SNAP47: variants seen among roughly 807,000 people sequenced by gnomAD.
SNAP47 encodes the protein synaptosomal-associated protein 47.
A neutral mutation model predicts 31.4 loss-of-function variants in SNAP47; 20 were observed. The ratio of observed to expected loss-of-function variants is 0.64; its 90% CI spans 0.45 to 0.93. The LOEUF is 0.93. Among genes scored for constraint, SNAP47 ranks in the 40% least tolerant of loss-of-function variants. SNAP47 has a pLI of 0.00. For synonymous variants in SNAP47, 194 were observed against 213.4 expected (o/e 0.91, Z 0.79); for missense variants, 492 against 528.5 (o/e 0.93, Z 0.68).
chr1:227,743,535 G>A (rs1481404308), intron 1 of SNAP47, among the ~76,000 whole-genome samples: 1 of 152,214 alleles, frequency 6.6e-6, no homozygotes, highest in Non-Finnish European at 1.5e-5. Flanking sequence ...TTGCGTGTTC[G>A]AGACTACAGA....
In SNAP47 at chr1:227,759,455, G is replaced by A. The variant is rs183802543; in HGVS notation, c.958G>A (p.Ala320Thr). The change falls in exon 3 of 5, where the codon GCA (alanine) becomes ACA (threonine). Residue 320 changes from alanine (A) to threonine (T), a missense_variant. By Grantham distance (58) the Ala-to-Thr change is moderately conservative. Coordinates refer to ENST00000617596, the MANE Select transcript of SNAP47 (RefSeq NM_053052.4). ...VLRSARTSSPAEKSCSVWHAA... is the reference protein window; with the variant it reads ...VLRSARTSSPTEKSCSVWHAA... Reference sequence around the variant, plus strand: ...CAGAAGCGCAAGAACCTCTTCCCCCGCAGAGAAGAGCTGCTCAGTCTGGCA... The same window carrying A: ...CAGAAGCGCAAGAACCTCTTCCCCCACAGAGAAGAGCTGCTCAGTCTGGCA... 40 of 1,614,102 alleles carry A rather than the reference G, an allele frequency of 2.5e-5. No individual in the cohort carries two copies. The highest frequency in any genetic ancestry group is 4.5e-5 in the East Asian group (2 of 44,884).
intron 3 of SNAP47, among the ~76,000 whole-genome samples, chr1:227,764,634 G>A (rs535591297): frequency 3.9e-5 from 6 of 152,156 alleles, no homozygotes; most frequent in East Asian, 1.9e-4. Context: ...AGCCAGGCGC[G>A]GTGGCTCACA....
chr1:227,753,070 A>G (rs1285887208), intron 2 of SNAP47, among the ~76,000 whole-genome samples: 1 of 152,192 alleles, frequency 6.6e-6, no homozygotes, highest in Non-Finnish European at 1.5e-5. Flanking sequence ...GACTCAAGCA[A>G]AGCAATAATT....
chr1:227,776,650 G>T (rs1664178149), intron 4 of SNAP47: 9 of 985,462 alleles, frequency 9.1e-6, no homozygotes, highest in Non-Finnish European at 1.1e-5. Context: ...TGCACACGAT[G>T]CCATGTAATT....
At chr1:227,733,946 T>C, upstream of SNAP47, 1 of 1,613,862 alleles carries the variant, frequency 6.2e-7, no homozygotes, top group South Asian at 1.1e-5. Flanking sequence ...GCGGTAGTCA[T>C]CCACATCCAG....
intron 1 of SNAP47, among the ~76,000 whole-genome samples, chr1:227,743,192 C>T (rs1661731884): frequency 1.3e-5 from 2 of 152,154 alleles, no homozygotes; most frequent in South Asian, 4.1e-4. Context: ...CTGGCCTCCT[C>T]CTGGTGGTGA....
At chr1:227,729,467 C>T (rs1170634054) in intron 1 of SNAP47, among the ~76,000 whole-genome samples, 1 of 152,148 alleles carries the variant, frequency 6.6e-6, no homozygotes, top group South Asian at 2.1e-4. Context: ...CAAAACCACC[C>T]ACAGTGGTGG....
chr1:227,776,048 C>T lies in SNAP47; in HGVS notation c.1114-4479C>T, dbSNP rs573361592. ...GGCCATAAGCTGGCAGTGTCAGCCA[C>T]GCATCAGTTGCGTTTCTTTGTTCAG... On this transcript the variant is annotated intron_variant, in intron 4 of 4. Transcript: ENST00000617596. 70 of 1,195,328 alleles carry T rather than the reference C, an allele frequency of 5.9e-5. No individual in the cohort carries two copies. In the African/African-American group the frequency reaches 8.9e-4, roughly 15 times the overall value. The allele number at this position is 1,195,328 out of a possible 1,614,324, so 74.0% of individuals were successfully genotyped here.
At chr1:227,771,691 G>A (rs908590804) in intron 4 of SNAP47, among the ~76,000 whole-genome samples, 7 of 113,958 alleles carry the variant, frequency 6.1e-5, no homozygotes, top group African/African-American at 2.1e-4. Context: ...CTGCTTTTGC[G>A]GGTGAGCCAC....
chr1:227,754,098 A>T (rs1035079320), intron 2 of SNAP47, among the ~76,000 whole-genome samples: 2 of 152,216 alleles, frequency 1.3e-5, no homozygotes, highest in South Asian at 4.1e-4. Flanking sequence ...ATTGAGTGGA[A>T]GTAGCTCTCA....
chr1:227,760,026 G>A (rs1258022898), intron 3 of SNAP47, among the ~76,000 whole-genome samples: 1 of 152,220 alleles, frequency 6.6e-6, no homozygotes, highest in East Asian at 1.9e-4. Flanking sequence ...GAGAGCCCTT[G>A]GTGGAAGCCA....
chr1:227,732,976 T>C (rs1660770131), upstream of SNAP47: 1 of 1,613,432 alleles, frequency 6.2e-7, no homozygotes, highest in Non-Finnish European at 8.5e-7. Context: ...CGCCACATGT[T>C]GGCCAGGTTG....
intron 4 of SNAP47, among the ~76,000 whole-genome samples, chr1:227,772,244 AT>A (rs1663863127): frequency 2.0e-5 from 3 of 152,224 alleles, no homozygotes; most frequent in East Asian, 1.9e-4. Context: ...CATTTTAACC[AT>A]TTTTAAGTGT....
chr1:227,766,965 G>T lies in SNAP47; in HGVS notation c.995G>T (p.Gly332Val), dbSNP rs370860074. ...KSCSVWHAAS[G>V]LMGRTLHREP... ...CCATCTGCTCTCCTTGCAGCATCTG[G>T]GCTGATGGGCCGTACCCTGCACCGT... The change falls in exon 4 of 5, where the codon GGG (glycine) becomes GTG (valine). Residue 332 changes from glycine to valine, a missense_variant. Transcript: ENST00000617596. 3.1e-6 allele frequency: 5 copies of T among 1,613,656 alleles called. No individual in the cohort carries two copies. Among genetic ancestry groups the T allele is most frequent in the Non-Finnish European group, 4.2e-6 (5 of 1,180,024 alleles).
At position 227,748,094 on chromosome 1, in the gene SNAP47, G is replaced by A. The variant is rs1209967041; in HGVS notation, c.358G>A (p.Glu120Lys). The A allele has an allele frequency of 1.3e-5, 21 of 1,613,996 alleles. No individual in the cohort carries two copies. The highest frequency in any genetic ancestry group is 6.7e-5 in the East Asian group (3 of 44,868). Reference sequence around the variant, plus strand: ...CGCATCTGTCCCAAGGACCCGGGGCGAGGAGCTGACGGGACTCATGGCTGG... The same window carrying A: ...CGCATCTGTCCCAAGGACCCGGGGCAAGGAGCTGACGGGACTCATGGCTGG... ...ADASVPRTRG[E>K]ELTGLMAGSQ... Residue 120 changes from glutamate (E) to lysine (K), a missense_variant, in exon 2 of 5, where the codon GAG (glutamate) becomes AAG (lysine). Coordinates refer to ENST00000617596, the MANE Select transcript of SNAP47 (RefSeq NM_053052.4).
intron 1 of SNAP47, among the ~76,000 whole-genome samples, chr1:227,737,328 T>G (rs1571979443): frequency 6.6e-6 from 1 of 151,302 alleles, no homozygotes; most frequent in Non-Finnish European, 1.5e-5. Context: ...GACAGGGAGG[T>G]GGAAGGAGGA....
rs1334640763 is a variant in SNAP47 at position 227,763,751 on chromosome 1, C to T, written c.989-3208C>T. Among the ~76,000 whole-genome samples the T allele has an allele frequency of 2.0e-5, 3 of 152,208 alleles. No homozygotes were observed. Among genetic ancestry groups the T allele is most frequent in the African/African-American group, 7.2e-5 (3 of 41,450 alleles). On this transcript the variant is annotated intron_variant, in intron 3 of 4. Transcript: ENST00000617596. This position sits in a 1 kb window ranked among gnomAD's most constrained non-coding sequence, Gnocchi z 4.2. ...GCTCCCTACGCTGTCCTTACCTGTGCGCTAGCTTCACAGGCCCACTAGGCC... is the reference window on the plus strand; with the variant it reads ...GCTCCCTACGCTGTCCTTACCTGTGTGCTAGCTTCACAGGCCCACTAGGCC...
At chr1:227,734,977 TC>T (rs1419448796), upstream of SNAP47, 2 of 1,506,630 alleles carry the variant, frequency 1.3e-6, no homozygotes, top group Non-Finnish European at 1.8e-6. Flanking sequence ...CGCCGGCCTT[TC>T]CTCCCCGCCC....
chr1:227,735,521 T>C lies in SNAP47; in HGVS notation c.-46+22T>C, dbSNP rs1006869408. Reference sequence around the variant, plus strand: ...TCAGGTGAGCGACGGTGTTGGTCTGTTGGGCGCCCGGCCCAAGCCAAGCCG... The same window carrying C: ...TCAGGTGAGCGACGGTGTTGGTCTGCTGGGCGCCCGGCCCAAGCCAAGCCG... On this transcript the variant is annotated intron_variant, in intron 1 of 4. Coordinates refer to ENST00000617596, the MANE Select transcript of SNAP47 (RefSeq NM_053052.4). The C allele has an allele frequency of 5.8e-6, 8 of 1,375,524 alleles. No homozygotes were observed. In the Admixed American group the frequency reaches 1.8e-4, roughly 31 times the overall value. The allele number at this position is 1,375,524 out of a possible 1,614,324, so 85.2% of individuals were successfully genotyped here. A position where few individuals can be genotyped will look rare whatever the true frequency, so the allele number is the denominator to read the frequency against.
Sources: allele counts gnomAD v4.1 joint callset (sites outside exome capture counted in the v4.1 genomes callset), GRCh38; gene constraint gnomAD v4.1.1; non-coding constraint Gnocchi (gnomAD v3.1); transcripts MANE v1.5; gene names NCBI Gene and HGNC (gene_info 2026-07-23, HGNC 2026-07-21).